DSCAML1: variants seen among roughly 807,000 people sequenced by gnomAD.
DSCAML1 encodes the protein DS cell adhesion molecule like 1.
DSCAML1 carries 38 observed loss-of-function variants against 200.5 expected under a neutral mutation model. The observed-to-expected ratio is 0.19, with a 90% CI of 0.15 to 0.25. The LOEUF is 0.25. Among genes scored for constraint, DSCAML1 ranks in the 10% least tolerant of loss-of-function variants. The probability of loss-of-function intolerance (pLI) is 1.00; values close to 1 mark genes in which losing one functional copy is unlikely to be tolerated. For missense variants in DSCAML1, 2,223 were observed against 2,858.8 expected (o/e 0.78, Z 5.07); for synonymous variants, 1,215 against 1,165.0 (o/e 1.04, Z -0.87).
At chr11:117,775,835 C>T (rs1346611571) in intron 3 of DSCAML1, among the ~76,000 whole-genome samples, 1 of 152,094 alleles carries the variant, frequency 6.6e-6, no homozygotes, top group Non-Finnish European at 1.5e-5. Flanking sequence ...GAATAGAAGT[C>T]TTATCTTCCC....
intron 3 of DSCAML1, among the ~76,000 whole-genome samples, chr11:117,724,671 T>C (rs1388625905): frequency 6.6e-6 from 1 of 152,202 alleles, no homozygotes; most frequent in African/African-American, 2.4e-5. Context: ...TCAGTGGAAA[T>C]GGTATTTTAT....
At chr11:117,625,307 C>T (rs1591334855) in intron 3 of DSCAML1, among the ~76,000 whole-genome samples, 1 of 152,152 alleles carries the variant, frequency 6.6e-6, no homozygotes, top group South Asian at 2.1e-4. Context: ...GCAGCTCCTT[C>T]GCAGGGACAA....
At position 117,471,175 on chromosome 11, in the gene DSCAML1, A is replaced by AT. The variant is rs199988005; in HGVS notation, c.2953+693dup. Among the ~76,000 whole-genome samples, 1,248 of 141,576 alleles carry AT rather than the reference A, an allele frequency of 8.8e-3. 14 individuals are homozygous for AT. The highest frequency in any genetic ancestry group is 0.025 in the African/African-American group (984 of 38,808). 92.9% of individuals were successfully genotyped at this position (141,576 alleles called of 152,430 possible). ...ATATATGTCATGTGTATTTTTCTGC[A>AT]TTTTTTTTTTTTTTGAGATGGAGTC... is the stretch of plus-strand genomic sequence containing the variant. On this transcript the variant is annotated intron_variant, in intron 15 of 32. Coordinates refer to ENST00000651296, the MANE Select transcript of DSCAML1 (RefSeq NM_020693.4).
At chr11:117,602,068 C>G (rs145482146) in intron 3 of DSCAML1, among the ~76,000 whole-genome samples, 442 of 152,398 alleles carry the variant, frequency 2.9e-3, no homozygotes, top group African/African-American at 0.01. Context: ...CATTGCATGT[C>G]TCCCGACTCT....
In DSCAML1 at chr11:117,631,966, C is replaced by T. The variant is rs369261224; in HGVS notation, c.512-99444G>A. On this transcript the variant is annotated intron_variant, in intron 3 of 32. Coordinates refer to ENST00000651296, the MANE Select transcript of DSCAML1 (RefSeq NM_020693.4). ...AGGTCTTAGAGGAGCGGCAAAGCCT[C>T]TCTCTTGCAGATAAGAATGTTGCAG... Among the ~76,000 whole-genome samples, 255 of 152,332 alleles carry T rather than the reference C, an allele frequency of 1.7e-3. 2 individuals carry two copies. The highest frequency in any genetic ancestry group is 6.1e-3 in the African/African-American group (252 of 41,578).
intron 3 of DSCAML1, among the ~76,000 whole-genome samples, chr11:117,580,636 C>T (rs962349225): frequency 2.0e-5 from 3 of 152,130 alleles, no homozygotes; most frequent in African/African-American, 7.2e-5. Context: ...ATCTGAGGTA[C>T]CAGGGTTCCC....
rs1220310565 is a variant in DSCAML1 at position 117,504,645 on chromosome 11, A to G, written c.2182+279T>C. Among the ~76,000 whole-genome samples the G allele has an allele frequency of 2.0e-5, 3 of 152,036 alleles. No individual in the cohort carries two copies. The highest frequency in any genetic ancestry group is 6.5e-5 in the Admixed American group (1 of 15,268). On this transcript the variant is annotated intron_variant, in intron 10 of 32. Transcript: ENST00000651296. The surrounding 1 kb of genome is among the most constrained non-coding windows in gnomAD (Gnocchi z 5.0). ...GGTGCGGTAGGGAAAGCAGGCATAC[A>G]CTGAGTTCTGGGGCGGAGATGGGAG...
chr11:117,597,521 T>C (rs2051385198), intron 3 of DSCAML1, among the ~76,000 whole-genome samples: 1 of 152,212 alleles, frequency 6.6e-6, no homozygotes, highest in Non-Finnish European at 1.5e-5. Flanking sequence ...CGATCTGAGC[T>C]CACTGCAACC....
At chr11:117,666,724 G>A (rs932100621) in intron 3 of DSCAML1, among the ~76,000 whole-genome samples, 5 of 152,316 alleles carry the variant, frequency 3.3e-5, no homozygotes, top group South Asian at 4.1e-4. Flanking sequence ...AAGGAAGGTC[G>A]CAAATTCAGG....
chr11:117,717,460 T>A (rs1247514141), intron 3 of DSCAML1, among the ~76,000 whole-genome samples: 1 of 152,208 alleles, frequency 6.6e-6, no homozygotes, highest in Non-Finnish European at 1.5e-5. Context: ...ATTGGTTTCA[T>A]CTCAGGCAGG....
chr11:117,770,727 A>C (rs2055023090), intron 3 of DSCAML1, among the ~76,000 whole-genome samples: 1 of 152,210 alleles, frequency 6.6e-6, no homozygotes. Context: ...AGGAACCGAT[A>C]AAGTTTGGAG....
intron 2 of DSCAML1, among the ~76,000 whole-genome samples, chr11:117,777,650 A>G (rs756256806): frequency 2.6e-5 from 4 of 152,082 alleles, no homozygotes; most frequent in Non-Finnish European, 5.9e-5. Context: ...CCTGCTTCTG[A>G]CCCTGGCTGC....
At chr11:117,455,081 G>A (rs542151084) in intron 19 of DSCAML1, among the ~76,000 whole-genome samples, 9 of 152,088 alleles carry the variant, frequency 5.9e-5, no homozygotes, top group South Asian at 2.1e-4. Flanking sequence ...CCTGGATCCC[G>A]GCCTAATGAT....
intron 1 of DSCAML1, among the ~76,000 whole-genome samples, chr11:117,810,412 C>T (rs1047437155): frequency 3.9e-5 from 6 of 152,094 alleles, no homozygotes; most frequent in Admixed American, 1.3e-4. Context: ...CCCTTATTTC[C>T]GCACCCCGAC....
upstream of DSCAML1, chr11:117,797,325 C>G: frequency 7.8e-7 from 1 of 1,283,226 alleles, no homozygotes; most frequent in Admixed American, 4.2e-5. Context: ...GTGAGCGCCG[C>G]GCGAGCCCGG....
At chr11:117,572,624 C>T (rs2050865391) in intron 3 of DSCAML1, among the ~76,000 whole-genome samples, 1 of 152,112 alleles carries the variant, frequency 6.6e-6, no homozygotes. Flanking sequence ...TAAGTACTTA[C>T]AGGGGAATTA....
chr11:117,718,348 T>C (rs1419036296), intron 3 of DSCAML1, among the ~76,000 whole-genome samples: 6 of 152,290 alleles, frequency 3.9e-5, no homozygotes, highest in Non-Finnish European at 1.5e-5. Flanking sequence ...GGACCCTTCA[T>C]AAGCCCCCAA....
intron 2 of DSCAML1, among the ~76,000 whole-genome samples, chr11:117,779,027 C>G (rs1004010971): frequency 6.6e-6 from 1 of 152,202 alleles, no homozygotes; most frequent in East Asian, 1.9e-4. Context: ...TACTTTAAAC[C>G]TTGCTCTTAT....
rs2048126032 is a variant in DSCAML1 at position 117,444,049 on chromosome 11, A to G, written c.3709-10T>C. 1 of 1,603,294 alleles carries G rather than the reference A, an allele frequency of 6.2e-7. No homozygotes were observed. On this transcript the variant is annotated splice_polypyrimidine_tract_variant and intron_variant, in intron 20 of 32. Transcript: ENST00000651296. ...CGTACTCGCTGGGAGCCTGCGGGGC[A>G]GAGGCAAAGAGGCTCTAAGAAGCAG...
Sources: allele counts gnomAD v4.1 joint callset (sites outside exome capture counted in the v4.1 genomes callset), GRCh38; gene constraint gnomAD v4.1.1; non-coding constraint Gnocchi (gnomAD v3.1); transcripts MANE v1.5; gene names NCBI Gene and HGNC (gene_info 2026-07-23, HGNC 2026-07-21).